The following TMTC1 variants were observed in gnomAD, a reference collection of about 807,000 sequenced individuals.
TMTC1 encodes the protein transmembrane O-mannosyltransferase targeting cadherins 1.
Under a neutral mutation model 104.8 loss-of-function variants are expected in TMTC1, and 73 were observed. The ratio of observed to expected loss-of-function variants is 0.70; its 90% CI spans 0.58 to 0.85. The LOEUF is 0.85. Ranked by LOEUF, TMTC1 falls within the 40% of genes least tolerant of loss-of-function variation. The pLI is 0.00. For missense variants in TMTC1, 1,035 were observed against 1,096.1 expected (o/e 0.94, Z 0.79); for synonymous variants, 434 against 428.7 (o/e 1.01, Z -0.15).
chr12:29,601,896 C>T (rs374575929), intron 7 of TMTC1, among the ~76,000 whole-genome samples: 13 of 147,370 alleles, frequency 8.8e-5, no homozygotes, highest in East Asian at 5.9e-4. Context: ...AGTGCAGTGG[C>T]GCGATCTCAG....
At chr12:29,694,857 T>C (rs996356303) in intron 5 of TMTC1, among the ~76,000 whole-genome samples, 7 of 152,170 alleles carry the variant, frequency 4.6e-5, no homozygotes, top group Non-Finnish European at 8.8e-5. Flanking sequence ...GGAGAATTGC[T>C]TGAACCTGGG....
Position 29,650,092 on chromosome 12 carries a change from T to C in TMTC1, c.939-16756A>G, listed in dbSNP as rs560486200. On this transcript the variant is annotated intron_variant, in intron 5 of 17. Transcript: ENST00000539277. ...CTCTTTTTTTCTTTTCTTTTCTTTT[T>C]TTTTTTTTCTTTGAGGAGTCTCGGT... Among the ~76,000 whole-genome samples, 23 of 151,580 alleles carry C rather than the reference T, an allele frequency of 1.5e-4. No homozygotes were observed. The East Asian group carries it at 2.3e-3, about 15-fold the overall frequency.
chr12:29,625,318 TC>T (rs1399578394), intron 6 of TMTC1, among the ~76,000 whole-genome samples: 2 of 152,174 alleles, frequency 1.3e-5, no homozygotes, highest in African/African-American at 4.8e-5. Flanking sequence ...ACAGGATTAT[TC>T]CCACTTCGAG....
chr12:29,643,018 CAAATGGCCAACA>C (rs142870222), intron 5 of TMTC1, among the ~76,000 whole-genome samples: 6,275 of 151,434 alleles, frequency 0.041, 172 homozygotes, highest in Admixed American at 0.066. Flanking sequence ...AGAAGATATA[CAAATGGCCAACA>C]AACGTGAAAA....
chr12:29,565,047 T>TAC (rs1409305582), intron 9 of TMTC1, among the ~76,000 whole-genome samples: 1 of 152,142 alleles, frequency 6.6e-6, no homozygotes, highest in African/African-American at 2.4e-5. Context: ...TGTGTATATT[T>TAC]ACATTTAGGG....
At chr12:29,715,987 GTAT>G (rs140955615) in intron 5 of TMTC1, among the ~76,000 whole-genome samples, 37,313 of 129,192 alleles carry the variant, frequency 0.29, 5,845 homozygotes, top group Non-Finnish European at 0.38. Flanking sequence ...GCCAAACTCA[GTAT>G]TATTATTATT....
chr12:29,563,135 T>G (rs867291952), intron 9 of TMTC1, among the ~76,000 whole-genome samples: 11 of 152,340 alleles, frequency 7.2e-5, no homozygotes, highest in Admixed American at 2.0e-4. Context: ...GAATGTTCTT[T>G]GTCCAGCACT....
intron 5 of TMTC1, among the ~76,000 whole-genome samples, chr12:29,745,580 C>T (rs1164709765): frequency 7.5e-6 from 1 of 134,096 alleles, no homozygotes; most frequent in Non-Finnish European, 1.5e-5. Flanking sequence ...GAGATAACAT[C>T]ACTGTACTCC....
chr12:29,725,014 CTTTTTTTTTTTTT>C (rs869135481), intron 5 of TMTC1, among the ~76,000 whole-genome samples: 59 of 90,406 alleles, frequency 6.5e-4, no homozygotes, highest in African/African-American at 2.7e-3. Flanking sequence ...CTGCCAAGTT[CTTTTTTTTTTTTT>C]TTTTTTTTTT....
At chr12:29,523,615 T>C (rs1944247147) in intron 11 of TMTC1, among the ~76,000 whole-genome samples, 1 of 152,154 alleles carries the variant, frequency 6.6e-6, no homozygotes, top group Non-Finnish European at 1.5e-5. Context: ...CTGTAGGCAT[T>C]GATTTCACTC....
At chr12:29,605,815 A>G (rs1946682807) in intron 6 of TMTC1, among the ~76,000 whole-genome samples, 1 of 152,110 alleles carries the variant, frequency 6.6e-6, no homozygotes, top group Admixed American at 6.5e-5. Flanking sequence ...CCACCCAGAG[A>G]GTGAAAATCG....
intron 7 of TMTC1, among the ~76,000 whole-genome samples, chr12:29,584,913 T>C (rs1447313086): frequency 1.3e-5 from 2 of 150,894 alleles, no homozygotes; most frequent in South Asian, 2.1e-4. Context: ...TGTGCATGTG[T>C]CTTTATAGCA....
intron 6 of TMTC1, among the ~76,000 whole-genome samples, chr12:29,628,537 G>A (rs916079217): frequency 1.3e-5 from 2 of 152,128 alleles, no homozygotes; most frequent in East Asian, 1.9e-4. Context: ...CAGCATTAAC[G>A]TCAACACAGA....
chr12:29,739,619 T>A (rs571811398), intron 5 of TMTC1, among the ~76,000 whole-genome samples: 99 of 152,310 alleles, frequency 6.5e-4, no homozygotes, highest in African/African-American at 2.2e-3. Flanking sequence ...ACAGGAATTC[T>A]GTCTATTTCT....
intron 7 of TMTC1, 111 bp downstream of exon 7, chr12:29,604,067 C>T: frequency 7.1e-7 from 1 of 1,412,446 alleles, no homozygotes; most frequent in Non-Finnish European, 9.7e-7. Context: ...AATAATATCC[C>T]TTGTCCCATG....
chr12:29,617,657 C>A (rs567055989), intron 6 of TMTC1, among the ~76,000 whole-genome samples: 2 of 151,922 alleles, frequency 1.3e-5, no homozygotes, highest in Admixed American at 6.6e-5. Context: ...ATCTGTAATA[C>A]ACAGATTAAG....
intron 5 of TMTC1, among the ~76,000 whole-genome samples, chr12:29,716,013 A>AT (rs1414515404): frequency 6.9e-6 from 1 of 145,728 alleles, no homozygotes; most frequent in Non-Finnish European, 1.5e-5. Flanking sequence ...TATTATTATT[A>AT]TTATTATTAT....
chr12:29,509,847 A>G (rs1943786136), intron 17 of TMTC1, among the ~76,000 whole-genome samples: 1 of 152,246 alleles, frequency 6.6e-6, no homozygotes, highest in South Asian at 2.1e-4. Flanking sequence ...CACTTTCCCA[A>G]GGGAAGTACT....
intron 5 of TMTC1, among the ~76,000 whole-genome samples, chr12:29,690,505 T>C (rs1248216821): frequency 1.3e-5 from 2 of 152,172 alleles, no homozygotes; most frequent in Non-Finnish European, 2.9e-5. Context: ...AATTCCAAAA[T>C]AAGAGTTCCT....
Sources: allele counts gnomAD v4.1 joint callset (sites outside exome capture counted in the v4.1 genomes callset), GRCh38; gene constraint gnomAD v4.1.1; transcripts MANE v1.5; gene names NCBI Gene and HGNC (gene_info 2026-07-23, HGNC 2026-07-21).